The following ZAN variants were observed in gnomAD, a reference collection of about 807,000 sequenced individuals.
ZAN encodes zonadhesin.
ZAN carries 260 observed loss-of-function variants against 286.2 expected under a neutral mutation model. That is an observed-to-expected ratio of 0.91 (90% CI 0.82 to 1.01). The LOEUF (loss-of-function observed/expected upper bound fraction) is 1.01, where lower values mean the gene tolerates loss of function less well. ZAN is among the 50% of genes least tolerant of loss of function. The pLI is 0.00. For synonymous variants in ZAN, 1,368 were observed against 1,417.5 expected (o/e 0.97, Z 0.79); for missense variants, 3,410 against 3,639.2 (o/e 0.94, Z 1.62).
At chr7:100,769,376 G>T (rs1337946108) in intron 27 of ZAN, among the ~76,000 whole-genome samples, 1 of 152,098 alleles carries the variant, frequency 6.6e-6, no homozygotes, top group Non-Finnish European at 1.5e-5. Flanking sequence ...TTACAGGTGT[G>T]AGCCACTGCA....
chr7:100,735,127 T>G (rs780141007), intron 2 of ZAN, among the ~76,000 whole-genome samples: 3 of 137,302 alleles, frequency 2.2e-5, no homozygotes, highest in African/African-American at 8.0e-5. Flanking sequence ...GAGACTGCAG[T>G]GAGCGGAAAT....
Position 100,769,937 on chromosome 7 carries a change from C to A in ZAN, c.5211C>A (p.Ala1737=). Residue 1737 remains alanine (A), a synonymous_variant, in exon 28 of 48, where the codon GCC becomes GCA. Coordinates refer to ENST00000613979, the MANE Select transcript of ZAN (RefSeq NM_003386.3). ...SSCQENSMAD[A]WNKNCAILIN... is the part of the protein sequence containing the mutation. ...GCCAGGAGAACAGCATGGCAGACGC[C>A]TGGAACAAGAACTGTGCGATCTTAA... 6.4e-7 allele frequency: 1 copy of A among 1,567,750 alleles called. No homozygotes were observed. The highest frequency in any genetic ancestry group is 8.7e-7 in the Non-Finnish European group (1 of 1,155,736).
In ZAN at chr7:100,748,119, A is replaced by G. The variant is rs1335654537; in HGVS notation, c.1024-18A>G. ...TGGGCTGTGTGCTCACTCCTGCTCC[A>G]TCTCCCTTTCTCTCCAGTTTGCCGT... On this transcript the variant is annotated intron_variant, in intron 9 of 47. Transcript: ENST00000613979. 1 of 1,611,954 alleles carries G rather than the reference A, an allele frequency of 6.2e-7. No individual in the cohort carries two copies. The highest frequency in any genetic ancestry group is 8.5e-7 in the Non-Finnish European group (1 of 1,178,446).
rs1464323022 is a variant in ZAN at position 100,742,242 on chromosome 7, G to A, written c.766+3629G>A. On this transcript the variant is annotated intron_variant, in intron 7 of 47. Coordinates refer to ENST00000613979, the MANE Select transcript of ZAN (RefSeq NM_003386.3). ...ACATCCCAGATGGGGCGGTGGGGCA[G>A]AGGTGCTCCCCACATCTCAGACGAT... Among the ~76,000 whole-genome samples, 3 of 118,444 alleles carry A rather than the reference G, an allele frequency of 2.5e-5. No individual in the cohort carries two copies. In the East Asian group the frequency reaches 6.9e-4, roughly 27 times the overall value. The allele number at this position is 118,444 out of a possible 152,430, so 77.7% of individuals were successfully genotyped here.
At position 100,763,668 on chromosome 7, in the gene ZAN, C is replaced by T; in HGVS notation, c.3987-138C>T. 1.2e-6 allele frequency: 1 copy of T among 832,164 alleles called. No individual in the cohort carries two copies. Among genetic ancestry groups the T allele is most frequent in the Non-Finnish European group, 2.0e-6 (1 of 505,142 alleles). 51.5% of individuals were successfully genotyped at this position (832,164 alleles called of 1,614,324 possible). A position where few individuals can be genotyped will look rare whatever the true frequency, so the allele number is the denominator to read the frequency against. On this transcript the variant is annotated intron_variant, in intron 20 of 47. Transcript: ENST00000613979. The surrounding 1 kb of genome is among the most constrained non-coding windows in gnomAD (Gnocchi z 4.6). ...CAGTGCCTGGCCAGGGCTCAGTGGT[C>T]AAACATCCTCTGGGAGGGGTTTCCC...
At chr7:100,792,630 G>A (rs1455569270) in intron 42 of ZAN, 151 bp downstream of exon 42, 8 of 1,448,476 alleles carry the variant, frequency 5.5e-6, no homozygotes, top group Admixed American at 2.6e-5. Flanking sequence ...GCCTCATCTC[G>A]GGCTTTCTGT....
In ZAN at chr7:100,734,214, C is replaced by T. The variant is rs12673246; in HGVS notation, c.46C>T (p.Leu16Phe). The T allele has an allele frequency of 0.026, 37,353 of 1,451,490 alleles. 6,909 individuals are homozygous for T. The highest frequency in any genetic ancestry group is 0.12 in the South Asian group (9,606 of 81,432). 89.9% of individuals were successfully genotyped at this position (1,451,490 alleles called of 1,614,324 possible). ...TCTGCTGCTTCTGGTGGGGGCTGCCCTTTTCAGGTAAGCTGGGCCCAGGGG... is the reference window on the plus strand; with the variant it reads ...TCTGCTGCTTCTGGTGGGGGCTGCCTTTTTCAGGTAAGCTGGGCCCAGGGG... ...WTLLLLVGAA[L>F]FRKEKPPDQK... The change falls in exon 2 of 48, where the codon CTT becomes TTT. Residue 16 changes from leucine to phenylalanine, a missense_variant. Physicochemically the swap from Leu to Phe is conservative, Grantham distance 22. This residue lies in a region of ZAN where 872 missense variants were observed against 938.9 expected (regional missense o/e 0.93). Coordinates refer to ENST00000613979, the MANE Select transcript of ZAN (RefSeq NM_003386.3).
rs772686508 is a variant in ZAN at position 100,792,513 on chromosome 7, C to CCTGG, written c.7787+44_7787+47dup. On this transcript the variant is annotated intron_variant, in intron 42 of 47. Transcript: ENST00000613979. ...TCCTCTGCCAGGAGGCGGGCGCTGC[C>CCTGG]CTGGCTGGCTGGCGGGACCGCACCC... 4.0e-5 allele frequency: 65 copies of CCTGG among 1,612,810 alleles called. 1 individual carries two copies. In the South Asian group the frequency reaches 6.2e-4, roughly 15 times the overall value.
In ZAN at chr7:100,737,350, G is replaced by A; in HGVS notation, c.613+1G>A. ...ATCCGCCGGGGCTCCTGTAATCGCG[G>A]TGAGTCCCTGTCCCTCCTCCCGCCT... On this transcript the variant is annotated splice_donor_variant, in intron 6 of 47. Transcript: ENST00000613979. LOFTEE classifies it high-confidence loss of function. 1 of 1,454,100 alleles carries A rather than the reference G, an allele frequency of 6.9e-7. No homozygotes were observed. Among genetic ancestry groups the A allele is most frequent in the Non-Finnish European group, 9.4e-7 (1 of 1,068,448 alleles). 90.1% of individuals were successfully genotyped at this position (1,454,100 alleles called of 1,614,324 possible).
Position 100,796,338 on chromosome 7 carries a change from C to T in ZAN, c.8266+1002C>T, listed in dbSNP as rs79142710. Among the ~76,000 whole-genome samples, 533 of 151,354 alleles carry T rather than the reference C, an allele frequency of 3.5e-3. 4 individuals are homozygous for T. The highest frequency in any genetic ancestry group is 0.012 in the African/African-American group (506 of 41,204). On this transcript the variant is annotated intron_variant, in intron 45 of 47. Transcript: ENST00000613979. ...GCTTTATCTTGCCTAAGATTGAAGA[C>T]GGGGTAACTTGTGTACATGTATATT...
At chr7:100,783,038 T>A (rs540909103) in intron 35 of ZAN, among the ~76,000 whole-genome samples, 1 of 152,068 alleles carries the variant, frequency 6.6e-6, no homozygotes, top group Non-Finnish European at 1.5e-5. Context: ...GAGGCCGAGG[T>A]GGGCGGATCA....
rs193026202 is a variant in ZAN at position 100,736,847 on chromosome 7, C to T, written c.292C>T (p.Arg98Cys). 2.4e-3 allele frequency: 3,578 copies of T among 1,482,434 alleles called. 706 individuals are homozygous for T. The highest frequency in any genetic ancestry group is 3.1e-3 in the Non-Finnish European group (3,394 of 1,087,050). 91.8% of individuals were successfully genotyped at this position (1,482,434 alleles called of 1,614,324 possible). The part of the protein sequence containing the change: ...YLHMESNSFH[R>C]GGVARLLSPD... ...GCATATGGAATCGAACAGCTTCCAC[C>T]GTGGGGGAGTGGCCCGCCTGCTCAG... Residue 98 changes from arginine (R) to cysteine (C), a missense_variant, in exon 5 of 48, where the codon CGT (arginine) becomes TGT (cysteine). Arg to Cys is a radical substitution (Grantham distance 180). Around this residue, in one of 7 missense-constraint regions of ZAN, gnomAD observed 872 missense variants for 938.9 expected, o/e 0.93. Coordinates refer to ENST00000613979, the MANE Select transcript of ZAN (RefSeq NM_003386.3).
At chr7:100,735,027 A>T (rs112451956) in intron 2 of ZAN, among the ~76,000 whole-genome samples, 1,841 of 139,030 alleles carry the variant, frequency 0.013, 284 homozygotes, top group African/African-American at 0.045. Context: ...TCTACTAAAA[A>T]TATAAAATTA....
intron 34 of ZAN, among the ~76,000 whole-genome samples, 158 bp downstream of exon 34, chr7:100,776,722 T>TC (rs1170127910): frequency 1.1e-5 from 1 of 88,752 alleles, no homozygotes; most frequent in East Asian, 4.3e-4. Flanking sequence ...TCCTTTCTTT[T>TC]TTTTTTTTTT....
rs1812454631 is a variant in ZAN at position 100,797,642 on chromosome 7, GC to G, written c.8413+22del. 1.2e-6 allele frequency: 2 copies of G among 1,613,878 alleles called. No homozygotes were observed. Among genetic ancestry groups the G allele is most frequent in the Non-Finnish European group, 1.7e-6 (2 of 1,179,892 alleles). ...GACACAGGTGAGAACCAACCCCACA[GC>G]CCGGAACCTCGGGGCCTAGAGTTGA... On this transcript the variant is annotated intron_variant, in intron 47 of 47. Coordinates refer to ENST00000613979, the MANE Select transcript of ZAN (RefSeq NM_003386.3).
chr7:100,763,559 T>C lies in ZAN; in HGVS notation c.3987-247T>C, dbSNP rs1182650543. Among the ~76,000 whole-genome samples, 1 of 152,112 alleles carries C rather than the reference T, an allele frequency of 6.6e-6. No individual in the cohort carries two copies. Among genetic ancestry groups the C allele is most frequent in the Admixed American group, 6.5e-5 (1 of 15,270 alleles). ...TGAAATAAATAATTTCATATTTATT[T>C]TTAAAGAGATGGGATCTCAGTGTGT... On this transcript the variant is annotated intron_variant, in intron 20 of 47. Transcript: ENST00000613979. The surrounding 1 kb of genome is among the most constrained non-coding windows in gnomAD (Gnocchi z 4.6).
intron 35 of ZAN, among the ~76,000 whole-genome samples, chr7:100,782,917 C>T (rs1012842850): frequency 2.6e-5 from 4 of 152,130 alleles, no homozygotes; most frequent in South Asian, 2.1e-4. Flanking sequence ...TCTGTTCTGT[C>T]GGTCCATCTG....
rs201861762 is a variant in ZAN, at chr7:100,749,675, T to C, written c.1250-950T>C. Among the ~76,000 whole-genome samples the C allele has an allele frequency of 9.2e-3, 1,195 of 130,366 alleles. 38 individuals are homozygous for C. The South Asian group carries it at 0.098, about 11-fold the overall frequency. The allele number at this position is 130,366 out of a possible 152,430, so 85.5% of individuals were successfully genotyped here. A position where few individuals can be genotyped will look rare whatever the true frequency, so the allele number is the denominator to read the frequency against. ...AAATATATATATATATATATATATA[T>C]ACACACACACACATATATATACACA... On this transcript the variant is annotated intron_variant, in intron 11 of 47. Transcript: ENST00000613979.
intron 45 of ZAN, among the ~76,000 whole-genome samples, chr7:100,796,596 A>T (rs1812382088): frequency 6.6e-6 from 1 of 151,804 alleles, no homozygotes; most frequent in Non-Finnish European, 1.5e-5. Context: ...TTGTATTTTT[A>T]GTAGGGATGG....
Sources: allele counts gnomAD v4.1 joint callset (sites outside exome capture counted in the v4.1 genomes callset), GRCh38; gene constraint gnomAD v4.1.1; regional missense constraint gnomAD v4.1.1; non-coding constraint Gnocchi (gnomAD v3.1); transcripts MANE v1.5; gene names NCBI Gene and HGNC (gene_info 2026-07-23, HGNC 2026-07-21).